DNAAF9: variants seen among roughly 807,000 people sequenced by gnomAD.
DNAAF9 encodes the protein dynein axonemal assembly factor 9.
A neutral mutation model predicts 167.0 loss-of-function variants in DNAAF9; 90 were observed. That is an observed-to-expected ratio of 0.54 (90% CI 0.45 to 0.64). The LOEUF (loss-of-function observed/expected upper bound fraction) is 0.64. Ranked by LOEUF, DNAAF9 falls within the 30% of genes least tolerant of loss-of-function variation. The pLI is 0.00. For synonymous variants in DNAAF9, 491 were observed against 508.8 expected (o/e 0.96, Z 0.47); for missense variants, 1,315 against 1,442.2 (o/e 0.91, Z 1.43).
intron 1 of DNAAF9, among the ~76,000 whole-genome samples, chr20:3,391,360 C>T (rs6051827): frequency 0.2 from 30,733 of 151,796 alleles, 3,375 homozygotes; most frequent in African/African-American, 0.27. Flanking sequence ...CCACAATGAC[C>T]CACACTCCCA....
Position 3,298,979 on chromosome 20 carries a change from G to A in DNAAF9, c.1783-804C>T, listed in dbSNP as rs550435824. 7.3e-5 allele frequency among the ~76,000 whole-genome samples: 10 copies of A among 137,178 alleles called. No homozygotes were observed. In the East Asian group the frequency reaches 1.7e-3, roughly 24 times the overall value. The allele number at this position is 137,178 out of a possible 152,430, so 90.0% of individuals were successfully genotyped here. A position where few individuals can be genotyped will look rare whatever the true frequency, so the allele number is the denominator to read the frequency against. Reference sequence around the variant, plus strand: ...GCTGGAGTGCAAAAGCATGATCTCCGCTCGCTGCAACCCCCGCCTCCTGGG... The same window carrying A: ...GCTGGAGTGCAAAAGCATGATCTCCACTCGCTGCAACCCCCGCCTCCTGGG... On this transcript the variant is annotated intron_variant, in intron 21 of 36. Transcript: ENST00000252032.
chr20:3,316,630 C>A, intron 18 of DNAAF9, 93 bp downstream of exon 18: 2 of 833,518 alleles, frequency 2.4e-6, no homozygotes, highest in Non-Finnish European at 4.1e-6. Context: ...GACCTGACAT[C>A]CCACCAGGGG....
At chr20:3,259,345 G>GCC (rs1473723769) in intron 33 of DNAAF9, 135 bp downstream of exon 33, 1 of 707,272 alleles carries the variant, frequency 1.4e-6, no homozygotes, top group Non-Finnish European at 2.6e-6. Context: ...TGGCGTGAAG[G>GCC]CCCAGGGTGG....
intron 27 of DNAAF9, among the ~76,000 whole-genome samples, chr20:3,286,232 G>T (rs1465307543): frequency 6.6e-6 from 1 of 152,154 alleles, no homozygotes; most frequent in East Asian, 1.9e-4. Flanking sequence ...TTGACTAGAG[G>T]TCCCCATATC....
At chr20:3,377,225 A>G (rs1377188569) in intron 3 of DNAAF9, among the ~76,000 whole-genome samples, 1 of 152,240 alleles carries the variant, frequency 6.6e-6, no homozygotes, top group Non-Finnish European at 1.5e-5. Context: ...AGACTTAAAA[A>G]GGTACCAGAT....
At chr20:3,254,382 AAC>A (rs1346517054) in intron 35 of DNAAF9, among the ~76,000 whole-genome samples, 2 of 152,238 alleles carry the variant, frequency 1.3e-5, no homozygotes, top group African/African-American at 4.8e-5. Context: ...CCCGGCCACA[AAC>A]ACACTCTTTA....
chr20:3,255,572 G>C (rs2068265393), intron 34 of DNAAF9, among the ~76,000 whole-genome samples: 1 of 152,212 alleles, frequency 6.6e-6, no homozygotes, highest in Non-Finnish European at 1.5e-5. Context: ...CCCTACCAAT[G>C]AGAGGCAGAC....
At chr20:3,300,289 A>AG (rs35459065) in intron 21 of DNAAF9, among the ~76,000 whole-genome samples, 2 of 151,680 alleles carry the variant, frequency 1.3e-5, no homozygotes, top group African/African-American at 2.4e-5. Context: ...GTATTGTCTT[A>AG]ATAGTAAGTC....
At chr20:3,324,425 G>C (rs1209350452) in intron 14 of DNAAF9, among the ~76,000 whole-genome samples, 1 of 152,104 alleles carries the variant, frequency 6.6e-6, no homozygotes, top group Admixed American at 6.5e-5. Context: ...TGGGAGATGT[G>C]ATGGAAAAAT....
intron 31 of DNAAF9, among the ~76,000 whole-genome samples, chr20:3,261,871 T>G (rs1374961849): frequency 6.6e-6 from 1 of 151,838 alleles, no homozygotes; most frequent in African/African-American, 2.4e-5. Flanking sequence ...TTAGGGGAAT[T>G]TGCAGGGGCT....
intron 14 of DNAAF9, among the ~76,000 whole-genome samples, chr20:3,323,911 A>G (rs1045218307): frequency 3.9e-5 from 6 of 152,244 alleles, no homozygotes; most frequent in Non-Finnish European, 8.8e-5. Flanking sequence ...GACAGTTCCT[A>G]TCTTGCCCAA....
intron 27 of DNAAF9, among the ~76,000 whole-genome samples, chr20:3,284,684 G>A (rs1328611378): frequency 1.3e-5 from 2 of 152,154 alleles, no homozygotes; most frequent in African/African-American, 4.8e-5. Context: ...TTTTATGTTT[G>A]CAATTTAAGC....
intron 29 of DNAAF9, among the ~76,000 whole-genome samples, chr20:3,275,747 C>T (rs1412865207): frequency 2.0e-5 from 3 of 152,206 alleles, no homozygotes; most frequent in Non-Finnish European, 4.4e-5. Flanking sequence ...TGTTCTGTAT[C>T]AAGGAGTGGA....
chr20:3,385,107 T>C (rs1310709923), intron 1 of DNAAF9, among the ~76,000 whole-genome samples: 1 of 152,046 alleles, frequency 6.6e-6, no homozygotes, highest in Non-Finnish European at 1.5e-5. Flanking sequence ...GCAAAGTTTG[T>C]AATTACACAT....
At chr20:3,376,368 A>G in intron 3 of DNAAF9, 66 bp from the exon 4 acceptor site, 1 of 1,326,446 alleles carries the variant, frequency 7.5e-7, no homozygotes, top group Non-Finnish European at 1.0e-6. Flanking sequence ...TTTTCTGCCC[A>G]CATAATTAGT....
chr20:3,309,303 T>C (rs2069361019), intron 20 of DNAAF9, among the ~76,000 whole-genome samples: 1 of 152,126 alleles, frequency 6.6e-6, no homozygotes, highest in African/African-American at 2.4e-5. Flanking sequence ...GGGATGTGTG[T>C]TTATGTCATT....
At chr20:3,355,478 G>T (rs1254938912) in intron 7 of DNAAF9, among the ~76,000 whole-genome samples, 1 of 152,102 alleles carries the variant, frequency 6.6e-6, no homozygotes, top group Non-Finnish European at 1.5e-5. Context: ...AGGAGGCTGA[G>T]GTATGAGATC....
chr20:3,356,844 C>G (rs1278512474), intron 7 of DNAAF9, among the ~76,000 whole-genome samples: 1 of 152,000 alleles, frequency 6.6e-6, no homozygotes, highest in Non-Finnish European at 1.5e-5. Flanking sequence ...TCCATATGAC[C>G]AGGGCCAACA....
intron 33 of DNAAF9, among the ~76,000 whole-genome samples, chr20:3,258,873 G>T (rs2068329025): frequency 6.6e-6 from 1 of 152,160 alleles, no homozygotes; most frequent in Non-Finnish European, 1.5e-5. Flanking sequence ...ATGCTTTTTG[G>T]TTCCTGAAAT....
Sources: allele counts gnomAD v4.1 joint callset (sites outside exome capture counted in the v4.1 genomes callset), GRCh38; gene constraint gnomAD v4.1.1; transcripts MANE v1.5; gene names NCBI Gene and HGNC (gene_info 2026-07-23, HGNC 2026-07-21).